Variants in MPP7 observed in about 807,000 individuals in gnomAD.
MPP7 encodes the protein MAGUK p55 scaffold protein 7.
In MPP7, 60 loss-of-function variants were observed where a neutral mutation model predicts 76.5. That is an observed-to-expected ratio of 0.78 (90% CI 0.64 to 0.97). MPP7 has a LOEUF of 0.97. Ranked by LOEUF, MPP7 falls within the 50% of genes least tolerant of loss-of-function variation. MPP7 has a pLI of 0.00. For synonymous variants in MPP7, 237 were observed against 244.5 expected, an observed-to-expected ratio of 0.97 and a Z score of 0.29; for missense variants, 641 against 694.0, an observed-to-expected ratio of 0.92 and a Z score of 0.86.
At chr10:28,239,797 G>C (rs1389863921) in intron 1 of MPP7, among the ~76,000 whole-genome samples, 1 of 152,114 alleles carries the variant, frequency 6.6e-6, no homozygotes, top group Non-Finnish European at 1.5e-5. Context: ...CTAGTTCTGT[G>C]ATCTTCAACA....
At position 28,279,437 on chromosome 10, in the gene MPP7, T is replaced by C. The variant is rs538282604; in HGVS notation, c.-132+23424A>G. On this transcript the variant is annotated intron_variant, in intron 1 of 16. Coordinates refer to ENST00000683449, the MANE Select transcript of MPP7 (RefSeq NM_001318170.2). ...CTACAGAAATGCACAGCATGCTCTT[T>C]AAGAATTTCGGACAGGCGCAGTGGC... Among the ~76,000 whole-genome samples, 4 of 152,098 alleles carry C rather than the reference T, an allele frequency of 2.6e-5. No homozygotes were observed. The East Asian group carries it at 5.8e-4, about 22-fold the overall frequency.
chr10:28,116,487 T>TA (rs1834667011), intron 11 of MPP7, among the ~76,000 whole-genome samples: 1 of 152,242 alleles, frequency 6.6e-6, no homozygotes, highest in African/African-American at 2.4e-5. Flanking sequence ...ATCTTGTATA[T>TA]AATAATCTAA....
chr10:28,313,167 A>G (rs1442220346), intron 2 of MPP7, among the ~76,000 whole-genome samples: 2 of 152,216 alleles, frequency 1.3e-5, no homozygotes, highest in South Asian at 4.1e-4. Flanking sequence ...AAGGAACTTA[A>G]TAGTTAACTC....
chr10:28,276,997 AG>A (rs1376682481), intron 1 of MPP7, among the ~76,000 whole-genome samples: 2 of 151,920 alleles, frequency 1.3e-5, no homozygotes, highest in Admixed American at 1.3e-4. Context: ...GTTTGAGACC[AG>A]CTTGGACAAC....
intron 3 of MPP7, among the ~76,000 whole-genome samples, chr10:28,167,730 G>C (rs1836532888): frequency 6.6e-6 from 1 of 152,156 alleles, no homozygotes; most frequent in African/African-American, 2.4e-5. Context: ...AAGAATTGCT[G>C]GGTCACAGGA....
intron 12 of MPP7, among the ~76,000 whole-genome samples, chr10:28,078,236 A>G (rs117952848): frequency 0.012 from 1,829 of 152,318 alleles, 53 homozygotes; most frequent in East Asian, 0.11. Flanking sequence ...CACGCAATCC[A>G]TACTTCGTGA....
intron 2 of MPP7, among the ~76,000 whole-genome samples, chr10:28,224,702 A>G (rs1838631576): frequency 6.6e-6 from 1 of 152,150 alleles, no homozygotes; most frequent in Non-Finnish European, 1.5e-5. Flanking sequence ...CATTACTATT[A>G]GATAACAAAA....
intron 2 of MPP7, among the ~76,000 whole-genome samples, chr10:28,320,076 A>G (rs1834351199): frequency 1.3e-5 from 2 of 152,232 alleles, no homozygotes; most frequent in South Asian, 4.1e-4. Context: ...TATATTCCCC[A>G]GTCACGCACT....
chr10:28,270,911 T>C (rs1840307940), intron 1 of MPP7, among the ~76,000 whole-genome samples: 1 of 152,208 alleles, frequency 6.6e-6, no homozygotes, highest in East Asian at 1.9e-4. Context: ...TCAGTGGGAC[T>C]GCCCCAGCCA....
intron 12 of MPP7, among the ~76,000 whole-genome samples, chr10:28,079,099 T>C (rs1852637264): frequency 6.6e-6 from 1 of 152,220 alleles, no homozygotes; most frequent in African/African-American, 2.4e-5. Flanking sequence ...TTTCATGTAA[T>C]GTAATTATGA....
intron 1 of MPP7, among the ~76,000 whole-genome samples, chr10:28,276,552 G>A (rs1840503618): frequency 6.6e-6 from 1 of 152,042 alleles, no homozygotes; most frequent in Non-Finnish European, 1.5e-5. Flanking sequence ...CACTGTAAGA[G>A]TCTTTGAGTC....
At chr10:28,198,563 A>G (rs890520337) in intron 3 of MPP7, among the ~76,000 whole-genome samples, 3 of 148,624 alleles carry the variant, frequency 2.0e-5, no homozygotes, top group African/African-American at 7.6e-5. Context: ...CAACAGAGCA[A>G]AACTCTGTCT....
chr10:28,250,945 G>T (rs1294234479), intron 1 of MPP7, among the ~76,000 whole-genome samples: 1 of 152,140 alleles, frequency 6.6e-6, no homozygotes, highest in African/African-American at 2.4e-5. Flanking sequence ...TGACTATTCA[G>T]CAATTCCTTT....
At chr10:28,212,883 A>G (rs1473795901) in intron 2 of MPP7, among the ~76,000 whole-genome samples, 3 of 152,178 alleles carry the variant, frequency 2.0e-5, no homozygotes, top group African/African-American at 7.2e-5. Flanking sequence ...AATGAGGAGC[A>G]CTAAAAAATG....
chr10:28,219,612 G>C (rs1243839217), intron 2 of MPP7, among the ~76,000 whole-genome samples: 1 of 152,096 alleles, frequency 6.6e-6, no homozygotes, highest in Non-Finnish European at 1.5e-5. Context: ...AAAATATCTA[G>C]AAGTCATATG....
intron 2 of MPP7, among the ~76,000 whole-genome samples, chr10:28,234,532 C>A (rs1056541783): frequency 2.6e-5 from 4 of 152,088 alleles, no homozygotes; most frequent in Non-Finnish European, 5.9e-5. Flanking sequence ...AGTGGGGAAA[C>A]CTGACACACA....
intron 11 of MPP7, among the ~76,000 whole-genome samples, chr10:28,105,798 G>C (rs571709063): frequency 6.6e-6 from 1 of 152,168 alleles, no homozygotes; most frequent in Non-Finnish European, 1.5e-5. Context: ...ACAGGCATGA[G>C]TCACCACGCT....
intron 2 of MPP7, among the ~76,000 whole-genome samples, chr10:28,211,380 C>T (rs1838129423): frequency 6.6e-6 from 1 of 151,996 alleles, no homozygotes; most frequent in Admixed American, 6.6e-5. Flanking sequence ...ATGTATTTTA[C>T]ACACACTTTT....
chr10:28,088,426 G>T (rs1485353762), intron 12 of MPP7, among the ~76,000 whole-genome samples: 2 of 152,044 alleles, frequency 1.3e-5, no homozygotes, highest in African/African-American at 4.8e-5. Flanking sequence ...TGGTTTAAAA[G>T]TATGTGGCAC....
Sources: allele counts gnomAD v4.1 joint callset (sites outside exome capture counted in the v4.1 genomes callset), GRCh38; gene constraint gnomAD v4.1.1; transcripts MANE v1.5; gene names NCBI Gene and HGNC (gene_info 2026-07-23, HGNC 2026-07-21).